Variants in PTGES3 observed in about 807,000 individuals in gnomAD.
The protein encoded by PTGES3 is Hsp90 co-chaperone.
A neutral mutation model predicts 29.9 loss-of-function variants in PTGES3; 5 were observed. That is an observed-to-expected ratio of 0.17 (90% CI 0.09 to 0.35). The LOEUF (loss-of-function observed/expected upper bound fraction) is 0.35. PTGES3 is among the 10% of genes least tolerant of loss of function. The pLI, the probability that PTGES3 is intolerant of heterozygous loss-of-function variation, is 1.00. For missense variants in PTGES3, 128 were observed against 190.0 expected (o/e 0.67, Z 1.92); for synonymous variants, 49 against 57.8 (o/e 0.85, Z 0.69).
At chr12:56,683,886 G>A (rs1332174621) in intron 1 of PTGES3, among the ~76,000 whole-genome samples, 1 of 150,900 alleles carries the variant, frequency 6.6e-6, no homozygotes, top group African/African-American at 2.4e-5. Flanking sequence ...GTGAACCCCA[G>A]GGGGCGGAGC....
chr12:56,665,628 A>G (rs1951756440), intron 6 of PTGES3: 2 of 985,148 alleles, frequency 2.0e-6, no homozygotes, highest in African/African-American at 1.7e-5. Context: ...AGTCAAAATC[A>G]TACCTATAAA....
At chr12:56,687,367 A>G in intron 1 of PTGES3, 5 of 987,644 alleles carry the variant, frequency 5.1e-6, no homozygotes, top group Non-Finnish European at 4.8e-6. Context: ...AGTTTTGGCA[A>G]CCTCCCGTGT....
At chr12:56,670,675 G>GC (rs1951967298) in intron 4 of PTGES3, 2 of 232,962 alleles carry the variant, frequency 8.6e-6, no homozygotes, top group South Asian at 1.9e-4. Flanking sequence ...AGACTTGGGC[G>GC]CAAGTATTTC....
At position 56,664,808 on chromosome 12, in the gene PTGES3, A is replaced by G; in HGVS notation, c.439-8T>C. On this transcript the variant is annotated splice_region_variant and splice_polypyrimidine_tract_variant and intron_variant, in intron 6 of 7. Coordinates refer to ENST00000262033, the MANE Select transcript of PTGES3 (RefSeq NM_006601.7). ...ATCACTGTCTTGTGAATCCTGAAAGAGGGAAAATAAAGTTACCGAGCTGAT... is the reference window on the plus strand; with the variant it reads ...ATCACTGTCTTGTGAATCCTGAAAGGGGGAAAATAAAGTTACCGAGCTGAT... 6.3e-7 allele frequency: 1 copy of G among 1,598,552 alleles called. No homozygotes were observed. Among genetic ancestry groups the G allele is most frequent in the Non-Finnish European group, 8.6e-7 (1 of 1,169,108 alleles).
intron 1 of PTGES3, among the ~76,000 whole-genome samples, chr12:56,675,823 TGCA>T (rs1448321968): frequency 6.6e-6 from 1 of 152,090 alleles, no homozygotes; most frequent in Non-Finnish European, 1.5e-5. Flanking sequence ...CTCAGGATGC[TGCA>T]GCAGGAGAAT....
At chr12:56,687,890 C>T in intron 1 of PTGES3, 108 bp downstream of exon 1, 1 of 1,586,922 alleles carries the variant, frequency 6.3e-7, no homozygotes, top group Non-Finnish European at 8.5e-7. Flanking sequence ...CAGGCAGGAA[C>T]GACTGCCACC....
chr12:56,670,526 ATG>A (rs1195679982), intron 4 of PTGES3, 162 bp from the exon 5 acceptor site: 4 of 596,724 alleles, frequency 6.7e-6, no homozygotes, highest in Non-Finnish European at 1.2e-5. Context: ...ATTGATCAAT[ATG>A]TGAGTTTTGA....
Position 56,663,447 on chromosome 12 carries a change from CCA to C in PTGES3, c.*1030_*1031del, listed in dbSNP as rs1951679004. 6.6e-6 allele frequency: 1 copy of C among 152,208 alleles called. No homozygotes were observed. Among genetic ancestry groups the C allele is most frequent in the Non-Finnish European group, 1.5e-5 (1 of 68,022 alleles). 9.4% of individuals were successfully genotyped at this position (152,208 alleles called of 1,614,324 possible). On this transcript the variant is annotated 3_prime_UTR_variant, in exon 8 of 8. Coordinates refer to ENST00000262033, the MANE Select transcript of PTGES3 (RefSeq NM_006601.7). ...GCATCTACAATATGCTATTACAGAT[CCA>C]CTTTTAAAAGGTTTCCTGTGACATT...
intron 4 of PTGES3, chr12:56,670,584 A>G (rs893144055): frequency 4.6e-5 from 23 of 496,220 alleles, no homozygotes; most frequent in Non-Finnish European, 6.6e-5. Context: ...TCTTCAGGCA[A>G]CCTGGTGGTC....
chr12:56,666,273 G>A lies in PTGES3; in HGVS notation c.376-7C>T, dbSNP rs1319913907. 1 of 1,601,094 alleles carries A rather than the reference G, an allele frequency of 6.2e-7. No homozygotes were observed. The highest frequency in any genetic ancestry group is 1.3e-5 in the African/African-American group (1 of 74,460). On this transcript the variant is annotated splice_polypyrimidine_tract_variant and splice_region_variant and intron_variant, in intron 5 of 7. Coordinates refer to ENST00000262033, the MANE Select transcript of PTGES3 (RefSeq NM_006601.7). ...CACCCATGTTGTTCATCATCTATTT[G>A]AAGTGTAAAAATTAGTTTTAAAAAT...
chr12:56,680,125 G>A (rs1413163623), intron 1 of PTGES3, among the ~76,000 whole-genome samples: 5 of 149,788 alleles, frequency 3.3e-5, no homozygotes, highest in African/African-American at 1.2e-4. Flanking sequence ...AGGCTGGAGT[G>A]CAATGGCGCG....
At chr12:56,680,762 T>G (rs150179364) in intron 1 of PTGES3, among the ~76,000 whole-genome samples, 1 of 139,450 alleles carries the variant, frequency 7.2e-6, no homozygotes, top group Non-Finnish European at 1.5e-5. Context: ...CACCCACTTG[T>G]AGTTTTTGTT....
chr12:56,672,118 C>A (rs1246019971), intron 3 of PTGES3, among the ~76,000 whole-genome samples: 2 of 151,676 alleles, frequency 1.3e-5, no homozygotes, highest in South Asian at 4.2e-4. Context: ...CCATTTTTTT[C>A]TTTCCTGCAC....
At chr12:56,687,556 G>A (rs1952937249) in intron 1 of PTGES3, 2 of 1,013,762 alleles carry the variant, frequency 2.0e-6, no homozygotes, top group Non-Finnish European at 1.2e-6. Flanking sequence ...GGCACCTGGC[G>A]GCACCCACCA....
chr12:56,669,172 G>A (rs775122279), intron 5 of PTGES3, among the ~76,000 whole-genome samples: 3 of 151,780 alleles, frequency 2.0e-5, no homozygotes, highest in Non-Finnish European at 4.4e-5. Flanking sequence ...ACCACGCCTA[G>A]CTATTTTTTT....
At chr12:56,679,010 G>T (rs1169015170) in intron 1 of PTGES3, among the ~76,000 whole-genome samples, 3 of 152,078 alleles carry the variant, frequency 2.0e-5, no homozygotes, top group African/African-American at 7.2e-5. Context: ...TAGCTAACTG[G>T]GGGGCACTGA....
intron 1 of PTGES3, among the ~76,000 whole-genome samples, chr12:56,685,668 G>A (rs1952805860): frequency 6.6e-6 from 1 of 151,432 alleles, no homozygotes; most frequent in Non-Finnish European, 1.5e-5. Flanking sequence ...CCAAAGTGCT[G>A]GGATTACAGG....
chr12:56,679,158 T>C (rs1387818924), intron 1 of PTGES3, among the ~76,000 whole-genome samples: 1 of 151,816 alleles, frequency 6.6e-6, no homozygotes, highest in Non-Finnish European at 1.5e-5. Flanking sequence ...ACATCTAATA[T>C]CAGCACTTTG....
At chr12:56,672,029 TA>T (rs1036847376) in intron 3 of PTGES3, among the ~76,000 whole-genome samples, 182 bp from the exon 4 acceptor site, 109 of 152,070 alleles carry the variant, frequency 7.2e-4, no homozygotes, top group African/African-American at 2.4e-3. Flanking sequence ...AAGTTTCATT[TA>T]AAAAAAAATT....
Sources: allele counts gnomAD v4.1 joint callset (sites outside exome capture counted in the v4.1 genomes callset), GRCh38; gene constraint gnomAD v4.1.1; transcripts MANE v1.5; gene names NCBI Gene and HGNC (gene_info 2026-07-23, HGNC 2026-07-21).